NPEPPS: variants seen among roughly 807,000 people sequenced by gnomAD.
NPEPPS encodes puromycin-sensitive aminopeptidase.
In NPEPPS, 14 loss-of-function variants were observed where a neutral mutation model predicts 115.5. That is an observed-to-expected ratio of 0.12 (90% confidence interval 0.08 to 0.19). The LOEUF is 0.19. Among genes scored for constraint, NPEPPS ranks in the 10% least tolerant of loss-of-function variants. The probability of loss-of-function intolerance (pLI) is 1.00; values close to 1 mark genes in which losing one functional copy is unlikely to be tolerated. For synonymous variants in NPEPPS, 285 were observed against 390.6 expected (o/e 0.73, Z 3.19); for missense variants, 523 against 1,110.8 (o/e 0.47, Z 7.52).
intron 2 of NPEPPS, among the ~76,000 whole-genome samples, chr17:47,550,829 G>T (rs1487642426): frequency 6.6e-6 from 1 of 151,876 alleles, no homozygotes; most frequent in Non-Finnish European, 1.5e-5. Context: ...GTTTCACCAT[G>T]TTGGCCAGCC....
intron 1 of NPEPPS, among the ~76,000 whole-genome samples, chr17:47,538,503 C>T (rs1032149899): frequency 1.1e-4 from 17 of 150,356 alleles, no homozygotes; most frequent in African/African-American, 2.7e-4. Flanking sequence ...CATGAACCAC[C>T]GCGCCTAGTC....
intron 4 of NPEPPS, chr17:47,582,402 C>G: frequency 3.7e-6 from 1 of 271,910 alleles, no homozygotes; most frequent in South Asian, 3.9e-5. Context: ...ATAGCATACT[C>G]TTTACTGTTC....
At chr17:47,554,496 G>GGACT (rs1336345171) in intron 2 of NPEPPS, among the ~76,000 whole-genome samples, 6 of 152,128 alleles carry the variant, frequency 3.9e-5, no homozygotes, top group Non-Finnish European at 7.3e-5. Context: ...CAGTTAGCTA[G>GGACT]GACTATAGGT....
At chr17:47,538,792 T>C (rs1908535242) in intron 1 of NPEPPS, among the ~76,000 whole-genome samples, 1 of 152,108 alleles carries the variant, frequency 6.6e-6, no homozygotes, top group East Asian at 1.9e-4. Flanking sequence ...CCTCCCAAAG[T>C]GCTGGGATTA....
intron 11 of NPEPPS, 53 bp from the exon 12 acceptor site, chr17:47,592,432 C>G (rs1189660112): frequency 1.3e-6 from 2 of 1,521,386 alleles, no homozygotes; most frequent in Admixed American, 2.0e-5. Flanking sequence ...TACAAATATA[C>G]TATAAATTCT....
intron 1 of NPEPPS, among the ~76,000 whole-genome samples, chr17:47,543,221 C>T: frequency 6.7e-6 from 1 of 149,728 alleles, no homozygotes; most frequent in African/African-American, 2.4e-5. Context: ...TAATGGCGCG[C>T]ACACACACAC....
rs756584904 is a variant in NPEPPS at position 47,622,911 on chromosome 17, C to T, written c.*991C>T. ...CTTCTCCCGGTTCATTTTATGCGTG[C>T]GAGAAGTCAGTGGTAACTGCTGCAG... On this transcript the variant is annotated 3_prime_UTR_variant, in exon 23 of 23. Transcript: ENST00000322157. 7.2e-5 allele frequency: 33 copies of T among 455,808 alleles called. No homozygotes were observed. The highest frequency in any genetic ancestry group is 4.3e-4 in the South Asian group (28 of 64,554). The allele number at this position is 455,808 out of a possible 1,614,324, so 28.2% of individuals were successfully genotyped here. A position where few individuals can be genotyped will look rare whatever the true frequency, so the allele number is the denominator to read the frequency against.
At chr17:47,612,753 C>T (rs1057426258) in intron 18 of NPEPPS, among the ~76,000 whole-genome samples, 151 bp downstream of exon 18, 1 of 151,496 alleles carries the variant, frequency 6.6e-6, no homozygotes, top group Admixed American at 6.6e-5. Context: ...AGCCTCTGTC[C>T]CCCGAGTTCC....
chr17:47,617,708 CATT>C (rs1914298203), intron 19 of NPEPPS, among the ~76,000 whole-genome samples: 1 of 152,044 alleles, frequency 6.6e-6, no homozygotes. Flanking sequence ...TAAAACAGAA[CATT>C]AGCCAGATAT....
At chr17:47,589,240 C>T (rs568136078) in intron 9 of NPEPPS, among the ~76,000 whole-genome samples, 1 of 152,092 alleles carries the variant, frequency 6.6e-6, no homozygotes, top group African/African-American at 2.4e-5. Flanking sequence ...AGCTACCACA[C>T]CTGGCCTTTT....
At chr17:47,541,032 A>AACACAGG (rs1355052516) in intron 1 of NPEPPS, among the ~76,000 whole-genome samples, 2 of 152,202 alleles carry the variant, frequency 1.3e-5, no homozygotes, top group Non-Finnish European at 2.9e-5. Flanking sequence ...GTTTCCCTTA[A>AACACAGG]ACACAGGAGG....
intron 19 of NPEPPS, among the ~76,000 whole-genome samples, chr17:47,615,073 C>CTTTTTTTTTTTTTT (rs60829784): frequency 3.3e-5 from 4 of 122,490 alleles, no homozygotes; most frequent in African/African-American, 1.0e-4. Flanking sequence ...TACTTTCTTT[C>CTTTTTTTTTTTTTT]TTTTTTTTTT....
chr17:47,599,194 TA>T (rs1160492379), intron 13 of NPEPPS, among the ~76,000 whole-genome samples: 1 of 152,202 alleles, frequency 6.6e-6, no homozygotes, highest in African/African-American at 2.4e-5. Flanking sequence ...GTGTGATATA[TA>T]ACTGATTATA....
At chr17:47,618,084 T>C (rs1173763767) in intron 19 of NPEPPS, among the ~76,000 whole-genome samples, 1 of 151,402 alleles carries the variant, frequency 6.6e-6, no homozygotes, top group Non-Finnish European at 1.5e-5. Flanking sequence ...TTTCACCATG[T>C]TGGCCAGGCT....
At chr17:47,561,429 C>G (rs1910421881) in intron 2 of NPEPPS, among the ~76,000 whole-genome samples, 1 of 150,666 alleles carries the variant, frequency 6.6e-6, no homozygotes, top group East Asian at 1.9e-4. Context: ...CAGTTTCTGT[C>G]ATAGAACACC....
Position 47,601,728 on chromosome 17 carries a change from A to G in NPEPPS, c.1721A>G (p.Lys574Arg). The G allele has an allele frequency of 6.2e-7, 1 of 1,613,680 alleles. No individual in the cohort carries two copies. The highest frequency in any genetic ancestry group is 8.5e-7 in the Non-Finnish European group (1 of 1,179,774). Residue 574 changes from lysine (K) to arginine (R), a missense_variant, in exon 15 of 23, where the codon AAA becomes AGA. By Grantham distance (26) the Lys-to-Arg change is conservative (BLOSUM62 2). Around this residue, in one of 4 missense-constraint regions of NPEPPS, gnomAD observed 372 missense variants for 542.6 expected, o/e 0.69. Coordinates refer to ENST00000322157, the MANE Select transcript of NPEPPS (RefSeq NM_006310.4). ...PEMNVVLKNV[K>R]PDQWVKLNLG... is the part of the protein sequence containing the mutation. ...ATGAATGTGGTTTTGAAAAATGTCA[A>G]ACCAGACCAATGGGTGAAGGTGAGT...
intron 3 of NPEPPS, among the ~76,000 whole-genome samples, chr17:47,576,227 A>G (rs2663759): frequency 2.6e-5 from 4 of 152,280 alleles, no homozygotes; most frequent in Admixed American, 2.0e-4. Context: ...TGAGGGTCCT[A>G]AGGGTGGCAT....
chr17:47,528,456 A>G (rs1167019077), upstream of NPEPPS, among the ~76,000 whole-genome samples: 1 of 152,158 alleles, frequency 6.6e-6, no homozygotes, highest in African/African-American at 2.4e-5. Context: ...TGTAGGATTC[A>G]GAGGCTAAGA....
intron 19 of NPEPPS, among the ~76,000 whole-genome samples, chr17:47,615,432 C>G (rs1047637754): frequency 3.3e-5 from 5 of 152,080 alleles, no homozygotes; most frequent in Non-Finnish European, 1.5e-5. Flanking sequence ...TGGCATGCAC[C>G]TATATTTCCA....
Sources: gnomAD v4.1 joint callset for allele counts (sites outside exome capture counted in the v4.1 genomes callset) on GRCh38, gnomAD v4.1.1 for gene constraint, gnomAD v4.1.1 regional missense constraint, MANE v1.5 for transcripts, NCBI Gene and HGNC (gene_info 2026-07-23, HGNC 2026-07-21) for gene names.